Variants in ATXN3 observed in about 807,000 individuals in gnomAD.
ATXN3 encodes ataxin-3.
In ATXN3, 28 loss-of-function variants were observed where a neutral mutation model predicts 58.2. The ratio of observed to expected loss-of-function variants is 0.48; its 90% CI spans 0.36 to 0.66. The LOEUF (loss-of-function observed/expected upper bound fraction) is 0.66. Ranked by LOEUF, ATXN3 falls within the 30% of genes least tolerant of loss-of-function variation. The pLI is 0.00. For synonymous variants in ATXN3, 113 were observed against 138.5 expected (o/e 0.82, Z 1.29); for missense variants, 321 against 422.1 (o/e 0.76, Z 2.10).
intron 3 of ATXN3, 122 bp downstream of exon 3, chr14:92,095,971 A>G: frequency 1.2e-6 from 1 of 830,244 alleles, no homozygotes; most frequent in Non-Finnish European, 2.0e-6. Context: ...ACTCTAGAGT[A>G]TAATCTATAC....
intron 1 of ATXN3, among the ~76,000 whole-genome samples, chr14:92,098,171 A>C (rs2065869825): frequency 6.6e-6 from 1 of 152,102 alleles, no homozygotes; most frequent in Non-Finnish European, 1.5e-5. Flanking sequence ...AGATCTCACT[A>C]TGTTGCCCAG....
intron 6 of ATXN3, 54 bp downstream of exon 6, chr14:92,088,676 G>T: frequency 8.1e-7 from 1 of 1,238,198 alleles, no homozygotes; most frequent in Non-Finnish European, 1.2e-6. Flanking sequence ...TAATGTGCCT[G>T]GTTATTTAAC....
chr14:92,059,252 G>T lies in ATXN3; in HGVS notation c.*5068C>A, dbSNP rs751097712. The T allele has an allele frequency of 6.6e-6, 1 of 151,968 alleles. No individual in the cohort carries two copies. Among genetic ancestry groups the T allele is most frequent in the Non-Finnish European group, 1.5e-5 (1 of 68,014 alleles). 9.4% of individuals were successfully genotyped at this position (151,968 alleles called of 1,614,324 possible). ...AATCAAAATTCTAGAATTTACCAACGATGTCAATAATCTTCACTCATGAAA... is the reference window on the plus strand; with the variant it reads ...AATCAAAATTCTAGAATTTACCAACTATGTCAATAATCTTCACTCATGAAA... On this transcript the variant is annotated 3_prime_UTR_variant, in exon 11 of 11. Transcript: ENST00000644486.
At chr14:92,075,690 T>C (rs1172387547) in intron 9 of ATXN3, among the ~76,000 whole-genome samples, 1 of 152,142 alleles carries the variant, frequency 6.6e-6, no homozygotes, top group African/African-American at 2.4e-5. Context: ...TTGATAACCT[T>C]AGACCCAAGC....
At chr14:92,090,767 T>G (rs113534409) in intron 5 of ATXN3, among the ~76,000 whole-genome samples, 3 of 152,080 alleles carry the variant, frequency 2.0e-5, no homozygotes, top group Non-Finnish European at 4.4e-5. Context: ...ATTTGCAAAT[T>G]AATACAACCT....
intron 9 of ATXN3, among the ~76,000 whole-genome samples, chr14:92,073,771 G>A (rs1037674749): frequency 4.0e-5 from 6 of 151,682 alleles, no homozygotes; most frequent in African/African-American, 7.3e-5. Context: ...CCCGGGAGGC[G>A]GAGGTTGTAG....
rs138111554 is a variant in ATXN3, at chr14:92,102,029, T to C, written c.24+4500A>G. On this transcript the variant is annotated intron_variant, in intron 1 of 10. Coordinates refer to ENST00000644486, the MANE Select transcript of ATXN3 (RefSeq NM_004993.6). ...TTAGCTGGGCATGGTGGCACATGCCTATAGTCCCAGCTACTCGGGAGGCTG... is the reference window on the plus strand; with the variant it reads ...TTAGCTGGGCATGGTGGCACATGCCCATAGTCCCAGCTACTCGGGAGGCTG... 6.2e-3 allele frequency among the ~76,000 whole-genome samples: 937 copies of C among 151,994 alleles called. 10 individuals are homozygous for C. The highest frequency in any genetic ancestry group is 0.021 in the African/African-American group (882 of 41,446).
intron 6 of ATXN3, among the ~76,000 whole-genome samples, chr14:92,083,788 A>AT (rs1339666765): frequency 1.3e-5 from 2 of 152,220 alleles, no homozygotes; most frequent in Non-Finnish European, 2.9e-5. Flanking sequence ...GCCAAAGGAG[A>AT]TTAACATTTA....
In ATXN3 at chr14:92,093,291, A is replaced by G; in HGVS notation, c.348T>C (p.Tyr116=). 1 of 1,454,376 alleles carries G rather than the reference A, an allele frequency of 6.9e-7. No individual in the cohort carries two copies. Among genetic ancestry groups the G allele is most frequent in the Non-Finnish European group, 9.5e-7 (1 of 1,047,404 alleles). 90.1% of individuals were successfully genotyped at this position (1,454,376 alleles called of 1,614,324 possible). The change falls in exon 5 of 11, where the codon TAT becomes TAC. Residue 116 remains tyrosine (Y), a synonymous_variant. Coordinates refer to ENST00000644486, the MANE Select transcript of ATXN3 (RefSeq NM_004993.6). Reference sequence around the variant, plus strand: ...TTCTAACTGTAAACCAGTGTTCCTTATAATTGCATATAAATGATCTTTCAT... The same window carrying G: ...TTCTAACTGTAAACCAGTGTTCCTTGTAATTGCATATAAATGATCTTTCAT... ...PINERSFICN[Y]KEHWFTVRKL...
chr14:92,057,710 C>T (rs562894287), downstream of ATXN3, among the ~76,000 whole-genome samples: 1 of 152,154 alleles, frequency 6.6e-6, no homozygotes, highest in South Asian at 2.1e-4. Context: ...CAATATATTC[C>T]TCAATCAGTC....
chr14:92,081,011 G>C lies in ATXN3; in HGVS notation c.826C>G (p.Leu276Val), dbSNP rs762007434. The change falls in exon 9 of 11, where the codon CTT becomes GTT. Residue 276 changes from leucine to valine, a missense_variant. This residue lies in a region of ATXN3 where 200 missense variants were observed against 223.2 expected (regional missense o/e 0.90). Transcript: ENST00000644486. ...CTCTTCCGAAGCTCTTCTGAAGTAA[G>C]ATTTGTACCTGATGTCTGTGTCATA... ...QDMTQTSGTN[L>V]TSEELRKRRE... The C allele has an allele frequency of 1.2e-6, 2 of 1,612,924 alleles. No individual in the cohort carries two copies. The highest frequency in any genetic ancestry group is 1.1e-5 in the South Asian group (1 of 91,034).
At chr14:92,105,038 AC>A (rs1365121028) in intron 1 of ATXN3, among the ~76,000 whole-genome samples, 1 of 152,206 alleles carries the variant, frequency 6.6e-6, no homozygotes, top group African/African-American at 2.4e-5. Flanking sequence ...AAAATTAGTG[AC>A]AACTATACGA....
upstream of ATXN3, among the ~76,000 whole-genome samples, chr14:92,053,345 A>G (rs78383889): frequency 4.7e-3 from 715 of 152,304 alleles, 5 homozygotes; most frequent in African/African-American, 0.016. Context: ...GGCAACCCAG[A>G]ATAAAAACCA....
downstream of ATXN3, among the ~76,000 whole-genome samples, chr14:92,057,151 G>A (rs1376395881): frequency 6.6e-6 from 1 of 152,162 alleles, no homozygotes; most frequent in Non-Finnish European, 1.5e-5. Flanking sequence ...AACCAGCCAG[G>A]CGAGGTGGCT....
chr14:92,076,951 A>AG (rs1263992715), intron 9 of ATXN3, among the ~76,000 whole-genome samples: 1 of 151,660 alleles, frequency 6.6e-6, no homozygotes, highest in East Asian at 1.9e-4. Context: ...AAAAAAAAAA[A>AG]AAAAAAAAGT....
upstream of ATXN3, chr14:92,050,365 G>A (rs2057443917): frequency 6.6e-6 from 1 of 152,156 alleles, no homozygotes. Flanking sequence ...TTGAGCTGAA[G>A]ACATCTCTTC....
chr14:92,082,797 ACAC>A (rs574779182), intron 7 of ATXN3, among the ~76,000 whole-genome samples: 3 of 151,798 alleles, frequency 2.0e-5, no homozygotes, highest in Non-Finnish European at 4.4e-5. Context: ...CTATAGGCAT[ACAC>A]CACCACATCT....
intron 10 of ATXN3, among the ~76,000 whole-genome samples, chr14:92,069,274 T>C (rs1456632617): frequency 6.6e-6 from 1 of 151,940 alleles, no homozygotes; most frequent in Non-Finnish European, 1.5e-5. Flanking sequence ...TTTCACCATG[T>C]TGGCCAGGCT....
intron 9 of ATXN3, among the ~76,000 whole-genome samples, chr14:92,074,961 A>G (rs2060083460): frequency 6.6e-6 from 1 of 152,182 alleles, no homozygotes; most frequent in Non-Finnish European, 1.5e-5. Context: ...ACAGTTTATA[A>G]AATAGTTTCA....
Sources: allele counts gnomAD v4.1 joint callset (sites outside exome capture counted in the v4.1 genomes callset), GRCh38; gene constraint gnomAD v4.1.1; regional missense constraint gnomAD v4.1.1; transcripts MANE v1.5; gene names NCBI Gene and HGNC (gene_info 2026-07-23, HGNC 2026-07-21).